Variants in CACNA1C observed in about 807,000 individuals in gnomAD.
The protein encoded by CACNA1C is voltage-dependent L-type calcium channel subunit alpha-1C.
In CACNA1C, 30 loss-of-function variants were observed where a neutral mutation model predicts 229.0. The ratio of observed to expected loss-of-function variants is 0.13; its 90% confidence interval spans 0.10 to 0.18. CACNA1C has a LOEUF of 0.18. Among genes scored for constraint, CACNA1C ranks in the 10% least tolerant of loss-of-function variants. The pLI is 1.00. For synonymous variants in CACNA1C, 1,114 were observed against 1,132.5 expected (o/e 0.98, Z 0.33); for missense variants, 1,658 against 2,845.0 (o/e 0.58, Z 9.49).
intron 29 of CACNA1C, among the ~76,000 whole-genome samples, chr12:2,629,463 GT>G (rs2089253833): frequency 6.6e-6 from 1 of 152,220 alleles, no homozygotes. Flanking sequence ...CAGGACACAT[GT>G]GCCTTGTGGA....
At chr12:2,613,045 C>T (rs139141608) in intron 29 of CACNA1C, 1 of 152,244 alleles carries the variant, frequency 6.6e-6, no homozygotes, top group African/African-American at 2.4e-5. Flanking sequence ...GCAAGAATCC[C>T]TGGCCATATC....
At chr12:2,046,934 G>A (rs1417262356) in intron 1 of CACNA1C, among the ~76,000 whole-genome samples, 3 of 152,128 alleles carry the variant, frequency 2.0e-5, no homozygotes, top group African/African-American at 7.2e-5. Flanking sequence ...AGTTGTGAAG[G>A]CCTCAGCGTT....
At chr12:2,528,072 A>C (rs1329393764) in intron 9 of CACNA1C, among the ~76,000 whole-genome samples, 1 of 152,222 alleles carries the variant, frequency 6.6e-6, no homozygotes, top group Admixed American at 6.5e-5. Context: ...AGAATACAGC[A>C]ATCTGGGATG....
chr12:2,282,676 G>C (rs1212239686), intron 3 of CACNA1C, among the ~76,000 whole-genome samples: 3 of 152,214 alleles, frequency 2.0e-5, no homozygotes, highest in Non-Finnish European at 2.9e-5. Context: ...CCTGCAGTCT[G>C]GCTGCGGCAG....
chr12:2,681,496 T>C (rs563742157), intron 42 of CACNA1C, among the ~76,000 whole-genome samples: 1 of 152,292 alleles, frequency 6.6e-6, no homozygotes, highest in East Asian at 1.9e-4. Flanking sequence ...AGTGCCAGCA[T>C]TGCTTGTGCT....
intron 3 of CACNA1C, among the ~76,000 whole-genome samples, chr12:2,302,253 A>C (rs2094616584): frequency 6.6e-6 from 1 of 151,844 alleles, no homozygotes; most frequent in Admixed American, 6.6e-5. Context: ...GGACTTTCGG[A>C]TGGAGGATGC....
chr12:2,063,949 C>A (rs1470305180), intron 1 of CACNA1C, among the ~76,000 whole-genome samples: 1 of 152,120 alleles, frequency 6.6e-6, no homozygotes, highest in Non-Finnish European at 1.5e-5. Context: ...CTTTAAGAGC[C>A]CACTTCCTTG....
At chr12:2,174,181 T>C (rs1470916636) in intron 3 of CACNA1C, among the ~76,000 whole-genome samples, 3 of 152,002 alleles carry the variant, frequency 2.0e-5, no homozygotes, top group Non-Finnish European at 4.4e-5. Flanking sequence ...AGATAAATGG[T>C]GGCCAGCCTT....
chr12:2,442,360 A>G (rs1184299979), intron 3 of CACNA1C, among the ~76,000 whole-genome samples: 1 of 151,832 alleles, frequency 6.6e-6, no homozygotes, highest in African/African-American at 2.4e-5. Flanking sequence ...TGGACCCCCC[A>G]GTTGCCAGTA....
At chr12:2,013,060 T>C (rs1202152273) in intron 1 of CACNA1C, among the ~76,000 whole-genome samples, 1 of 152,236 alleles carries the variant, frequency 6.6e-6, no homozygotes, top group Admixed American at 6.5e-5. Flanking sequence ...GCATAATGTC[T>C]TTCTCTTTTG....
At position 2,678,093 on chromosome 12, in the gene CACNA1C, C is replaced by A. The variant is rs1224646868; in HGVS notation, c.5091+226C>A. 6.6e-5 allele frequency among the ~76,000 whole-genome samples: 10 copies of A among 152,212 alleles called. No individual in the cohort carries two copies. Among genetic ancestry groups the A allele is most frequent in the Non-Finnish European group, 1.5e-4 (10 of 68,032 alleles). On this transcript the variant is annotated intron_variant, in intron 41 of 46. Coordinates refer to ENST00000399655, the MANE Select transcript of CACNA1C (RefSeq NM_000719.7). This position sits in a 1 kb window ranked among gnomAD's most constrained non-coding sequence, Gnocchi z 4.1. ...AAACAGCAGCTCTCAGTGTCACTGG[C>A]TCTCAGAGAAGCGGGAAGGAACCGC...
chr12:2,136,321 C>T (rs112559972), intron 3 of CACNA1C, among the ~76,000 whole-genome samples: 1 of 151,208 alleles, frequency 6.6e-6, no homozygotes, highest in Non-Finnish European at 1.5e-5. Context: ...GGCTCCTCCT[C>T]GAGACCTTTC....
chr12:2,014,942 G>T (rs555185539), intron 1 of CACNA1C, among the ~76,000 whole-genome samples: 2 of 152,342 alleles, frequency 1.3e-5, no homozygotes, highest in South Asian at 4.1e-4. Context: ...CCTGCTCACG[G>T]ACTGGCAGGT....
chr12:2,162,238 C>CA (rs2095903574), intron 3 of CACNA1C, among the ~76,000 whole-genome samples: 2 of 152,086 alleles, frequency 1.3e-5, no homozygotes, highest in South Asian at 2.1e-4. Flanking sequence ...ATGAGCTCCA[C>CA]AAGCACCTGA....
At chr12:2,439,995 C>T (rs1160630733) in intron 3 of CACNA1C, among the ~76,000 whole-genome samples, 2 of 152,268 alleles carry the variant, frequency 1.3e-5, no homozygotes, top group East Asian at 3.9e-4. Flanking sequence ...CACAGCATTG[C>T]CCCACCTCCC....
intron 1 of CACNA1C, chr12:1,990,984 CAAA>C (rs58516806): frequency 1.7e-3 from 551 of 323,206 alleles, no homozygotes; most frequent in Middle Eastern, 4.8e-3. Flanking sequence ...ATAGAAAGGA[CAAA>C]AAAAAAAAAA....
rs1445123254 is a variant in CACNA1C, at chr12:2,042,182, C to T, written c.139+70981C>T. ...AAGATTTTTCATCATTTCTTTTTCT[C>T]CTTGGATACATATTTACATTCCATT... On this transcript the variant is annotated intron_variant, in intron 1 of 46. Transcript: ENST00000682462. 2.6e-5 allele frequency among the ~76,000 whole-genome samples: 4 copies of T among 152,076 alleles called. No homozygotes were observed. The South Asian group carries it at 8.3e-4, about 32-fold the overall frequency.
At chr12:2,032,522 C>A (rs548881931) in intron 1 of CACNA1C, among the ~76,000 whole-genome samples, 2 of 152,322 alleles carry the variant, frequency 1.3e-5, no homozygotes, top group Non-Finnish European at 1.5e-5. Flanking sequence ...TGGAAATCCA[C>A]TGGAAACAGG....
At chr12:2,217,022 T>C (rs1316440527) in intron 3 of CACNA1C, among the ~76,000 whole-genome samples, 1 of 152,222 alleles carries the variant, frequency 6.6e-6, no homozygotes, top group Non-Finnish European at 1.5e-5. Flanking sequence ...CATTCGTGGA[T>C]AAATGGATAA....
Sources: allele counts gnomAD v4.1 joint callset (sites outside exome capture counted in the v4.1 genomes callset), GRCh38; gene constraint gnomAD v4.1.1; non-coding constraint Gnocchi (gnomAD v3.1); transcripts MANE v1.5; gene names NCBI Gene and HGNC (gene_info 2026-07-23, HGNC 2026-07-21).